ANKFN1: variants seen among roughly 807,000 people sequenced by gnomAD.
The protein encoded by ANKFN1 is ankyrin repeat and fibronectin type III domain containing 1.
ANKFN1 carries 74 observed loss-of-function variants against 108.7 expected under a neutral mutation model. The ratio of observed to expected loss-of-function variants is 0.68; its 90% CI spans 0.56 to 0.83. The LOEUF (loss-of-function observed/expected upper bound fraction) is 0.83, where lower values mean the gene tolerates loss of function less well. Ranked by LOEUF, ANKFN1 falls within the 40% of genes least tolerant of loss-of-function variation. ANKFN1 has a pLI of 0.00. For synonymous variants in ANKFN1, 547 were observed against 516.2 expected (o/e 1.06, Z -0.81); for missense variants, 1,505 against 1,382.3 (o/e 1.09, Z -1.41).
Position 56,212,598 on chromosome 17 carries a change from T to C in ANKFN1, c.-70T>C, listed in dbSNP as rs2143818723. On this transcript the variant is annotated splice_region_variant and 5_prime_UTR_variant, in exon 2 of 21. Transcript: ENST00000682825. ...TATCTCTTTCTCTCTTTTGGAATAG[T>C]GCCAATAGGATAAGAAATAAGCTGT... Among the ~76,000 whole-genome samples, 1 of 152,280 alleles carries C rather than the reference T, an allele frequency of 6.6e-6. No individual in the cohort carries two copies. Among genetic ancestry groups the C allele is most frequent in the Non-Finnish European group, 1.5e-5 (1 of 68,022 alleles).
chr17:56,275,177 A>G (rs571114767), intron 3 of ANKFN1, among the ~76,000 whole-genome samples: 1 of 152,316 alleles, frequency 6.6e-6, no homozygotes, highest in East Asian at 1.9e-4. Flanking sequence ...TCCAATATCT[A>G]AAGTTGAGCA....
chr17:56,105,711 C>CTGTCTCTGTGTGTG (rs1555594332), intron 4 of ANKFN1, among the ~76,000 whole-genome samples: 5 of 144,544 alleles, frequency 3.5e-5, no homozygotes, highest in Non-Finnish European at 7.5e-5. Context: ...GTTTTTTTGT[C>CTGTCTCTGTGTGTG]TGTGTGTGTG....
rs2046729328 is a variant in ANKFN1, at chr17:56,368,636, A to G, written c.602-4010A>G. Among the ~76,000 whole-genome samples, 3 of 151,894 alleles carry G rather than the reference A, an allele frequency of 2.0e-5. No individual in the cohort carries two copies. The South Asian group carries it at 6.3e-4, about 32-fold the overall frequency. On this transcript the variant is annotated intron_variant, in intron 6 of 20. Coordinates refer to ENST00000682825, the MANE Select transcript of ANKFN1 (RefSeq NM_001370326.1). ...GACATTGTGTCAGATTACCAGTTAT[A>G]GCAACAATTCTCTTTTCCTGACCAA...
At chr17:56,180,220 G>T (rs1911557940) in intron 1 of ANKFN1, among the ~76,000 whole-genome samples, 2 of 152,050 alleles carry the variant, frequency 1.3e-5, no homozygotes, top group South Asian at 4.2e-4. Context: ...TTTCTAGGAG[G>T]CAAGGTCATA....
chr17:56,386,539 A>G (rs1276851159), intron 8 of ANKFN1, among the ~76,000 whole-genome samples: 1 of 150,858 alleles, frequency 6.6e-6, no homozygotes, highest in Non-Finnish European at 1.5e-5. Flanking sequence ...AAAATCTCTT[A>G]GTAATAGCTC....
chr17:56,366,737 T>C (rs1175422691), intron 6 of ANKFN1, among the ~76,000 whole-genome samples: 1 of 152,214 alleles, frequency 6.6e-6, no homozygotes, highest in African/African-American at 2.4e-5. Flanking sequence ...GGCTATACCA[T>C]AGAGTCTGGC....
At chr17:56,430,500 C>CCACACACA (rs60148599) in intron 8 of ANKFN1, among the ~76,000 whole-genome samples, 1,790 of 144,134 alleles carry the variant, frequency 0.012, 17 homozygotes, top group Middle Eastern at 0.038. Context: ...GATGCTTTTA[C>CCACACACA]CACACACACA....
At chr17:56,322,098 A>C (rs971055713) in intron 3 of ANKFN1, among the ~76,000 whole-genome samples, 2 of 151,900 alleles carry the variant, frequency 1.3e-5, no homozygotes, top group African/African-American at 4.8e-5. Flanking sequence ...CATTGACATG[A>C]CTCCAAGGAC....
intron 4 of ANKFN1, among the ~76,000 whole-genome samples, chr17:56,114,592 T>G (rs1259359156): frequency 6.6e-6 from 1 of 152,076 alleles, no homozygotes; most frequent in Non-Finnish European, 1.5e-5. Context: ...ATACATACAT[T>G]TGGAAAGCAC....
chr17:56,118,788 G>T (rs1262266378), intron 4 of ANKFN1, among the ~76,000 whole-genome samples: 1 of 152,110 alleles, frequency 6.6e-6, no homozygotes, highest in Admixed American at 6.6e-5. Context: ...TCTCTGCTAG[G>T]CATACCGTGT....
At chr17:56,385,760 A>G (rs1455270702) in intron 8 of ANKFN1, among the ~76,000 whole-genome samples, 1 of 152,196 alleles carries the variant, frequency 6.6e-6, no homozygotes, top group Non-Finnish European at 1.5e-5. Context: ...GCAAATCAAA[A>G]CCACAATGAG....
At chr17:56,079,809 A>T (rs1905223710) in intron 4 of ANKFN1, among the ~76,000 whole-genome samples, 1 of 150,948 alleles carries the variant, frequency 6.6e-6, no homozygotes, top group Non-Finnish European at 1.5e-5. Flanking sequence ...AGAACTCTGA[A>T]TCTAGTTTCT....
intron 18 of ANKFN1, among the ~76,000 whole-genome samples, chr17:56,489,313 G>A (rs568796958): frequency 2.0e-5 from 3 of 152,260 alleles, no homozygotes; most frequent in East Asian, 1.9e-4. Context: ...AAATGCATGA[G>A]ATTCACATTT....
chr17:56,213,887 C>T (rs1290675890), intron 2 of ANKFN1, among the ~76,000 whole-genome samples: 1 of 152,142 alleles, frequency 6.6e-6, no homozygotes, highest in Non-Finnish European at 1.5e-5. Flanking sequence ...CCCAGGGAGG[C>T]AAAGGATGGG....
intron 8 of ANKFN1, among the ~76,000 whole-genome samples, chr17:56,421,781 C>T (rs528663989): frequency 3.9e-5 from 6 of 151,950 alleles, no homozygotes; most frequent in Non-Finnish European, 8.8e-5. Context: ...AGTGAAATAC[C>T]GCCTCATTTT....
intron 1 of ANKFN1, among the ~76,000 whole-genome samples, chr17:56,159,049 A>AAAAAAAAAAAAAAAAAAAAAT (rs1909380068): frequency 6.6e-6 from 1 of 150,870 alleles, no homozygotes; most frequent in Admixed American, 6.6e-5. Context: ...AAAAAAAAAA[A>AAAAAAAAAAAAAAAAAAAAAT]AAAAAAGCAG....
intron 5 of ANKFN1, among the ~76,000 whole-genome samples, chr17:56,351,695 G>A (rs1474569280): frequency 6.6e-6 from 1 of 152,174 alleles, no homozygotes; most frequent in African/African-American, 2.4e-5. Flanking sequence ...GGACCTTGTA[G>A]ATGTCATAGT....
chr17:56,490,935 G>GAA (rs5821130), intron 18 of ANKFN1, among the ~76,000 whole-genome samples: 10 of 151,518 alleles, frequency 6.6e-5, no homozygotes, highest in East Asian at 5.8e-4. Context: ...TATCCCCAGA[G>GAA]AAAAAAAAGC....
chr17:56,294,501 C>T (rs1317276627), intron 3 of ANKFN1, among the ~76,000 whole-genome samples: 2 of 152,218 alleles, frequency 1.3e-5, no homozygotes, highest in Admixed American at 6.5e-5. Flanking sequence ...AGACTGCAAG[C>T]CTTAGAAATT....
Sources: gnomAD v4.1 joint callset for allele counts (sites outside exome capture counted in the v4.1 genomes callset) on GRCh38, gnomAD v4.1.1 for gene constraint, MANE v1.5 for transcripts, NCBI Gene and HGNC (gene_info 2026-07-23, HGNC 2026-07-21) for gene names.